The following CAMK1D variants were observed in gnomAD, a reference collection of about 807,000 sequenced individuals.
The protein encoded by CAMK1D is calcium/calmodulin-dependent protein kinase type 1D.
Under a neutral mutation model 47.7 loss-of-function variants are expected in CAMK1D, and 9 were observed. The ratio of observed to expected loss-of-function variants is 0.19; its 90% CI spans 0.11 to 0.33. The LOEUF is 0.33. Ranked by LOEUF, CAMK1D falls within the 10% of genes least tolerant of loss-of-function variation. The pLI is 1.00. For missense variants in CAMK1D, 291 were observed against 488.7 expected (o/e 0.60, Z 3.81); for synonymous variants, 184 against 184.9 (o/e 0.99, Z 0.04).
At chr10:12,507,840 C>T (rs962495803) in intron 1 of CAMK1D, among the ~76,000 whole-genome samples, 1 of 152,076 alleles carries the variant, frequency 6.6e-6, no homozygotes. Context: ...GAATTTTGAT[C>T]CTTGCTTCTT....
At chr10:12,691,078 C>T (rs895076069) in intron 3 of CAMK1D, among the ~76,000 whole-genome samples, 1 of 152,010 alleles carries the variant, frequency 6.6e-6, no homozygotes, top group African/African-American at 2.4e-5. Context: ...ATCACACCTG[C>T]GTGGCTGAAC....
At chr10:12,823,848 T>TG in intron 8 of CAMK1D, among the ~76,000 whole-genome samples, 1 of 150,610 alleles carries the variant, frequency 6.6e-6, no homozygotes, top group Non-Finnish European at 1.5e-5. Context: ...ATAGAGTGGG[T>TG]GGGGGGCATG....
chr10:12,506,783 G>T (rs1475549468), intron 1 of CAMK1D, among the ~76,000 whole-genome samples: 1 of 152,180 alleles, frequency 6.6e-6, no homozygotes, highest in East Asian at 1.9e-4. Context: ...CTCCCAAAGT[G>T]CTGGGATTAC....
At chr10:12,729,941 G>A (rs1051314236) in intron 3 of CAMK1D, among the ~76,000 whole-genome samples, 1 of 147,292 alleles carries the variant, frequency 6.8e-6, no homozygotes, top group African/African-American at 2.5e-5. Context: ...GTCCCATAGA[G>A]CGTTTTAGGC....
At chr10:12,812,496 A>T (rs972029031) in intron 6 of CAMK1D, among the ~76,000 whole-genome samples, 2 of 152,184 alleles carry the variant, frequency 1.3e-5, no homozygotes, top group African/African-American at 4.8e-5. Flanking sequence ...GGCACCTGTA[A>T]TCCCAGCTAC....
At chr10:12,513,096 C>T (rs1835089662) in intron 1 of CAMK1D, among the ~76,000 whole-genome samples, 1 of 152,122 alleles carries the variant, frequency 6.6e-6, no homozygotes, top group African/African-American at 2.4e-5. Flanking sequence ...TGTCATATTC[C>T]CTGAATCAAG....
intron 3 of CAMK1D, among the ~76,000 whole-genome samples, chr10:12,678,287 C>A (rs1396034389): frequency 6.6e-6 from 1 of 152,092 alleles, no homozygotes; most frequent in African/African-American, 2.4e-5. Flanking sequence ...CTGTCTGTCC[C>A]TGAATTGTTT....
intron 1 of CAMK1D, among the ~76,000 whole-genome samples, chr10:12,516,927 C>G (rs138972521): frequency 6.6e-6 from 1 of 152,262 alleles, no homozygotes; most frequent in Non-Finnish European, 1.5e-5. Context: ...AGCAGACTTG[C>G]TGGGATTTGA....
At chr10:12,595,797 G>A (rs921328846) in intron 2 of CAMK1D, among the ~76,000 whole-genome samples, 2 of 152,148 alleles carry the variant, frequency 1.3e-5, no homozygotes, top group East Asian at 3.8e-4. Flanking sequence ...ACAGAAGAAA[G>A]GGGAAAGTAT....
chr10:12,477,887 G>T lies in CAMK1D; in HGVS notation c.93-75338G>T, dbSNP rs148244449. On this transcript the variant is annotated intron_variant, in intron 1 of 10. Transcript: ENST00000619168. ...TGTTGGATCCCATGGAATCCCGTAT[G>T]CTTTATTCCAGTCTTGTAGATGGGA... Among the ~76,000 whole-genome samples, 623 of 152,240 alleles carry T rather than the reference G, an allele frequency of 4.1e-3. 5 individuals are homozygous for T. Among genetic ancestry groups the T allele is most frequent in the African/African-American group, 0.015 (606 of 41,570 alleles).
intron 1 of CAMK1D, among the ~76,000 whole-genome samples, chr10:12,366,551 C>T (rs951237267): frequency 1.5e-4 from 23 of 149,378 alleles, no homozygotes; most frequent in African/African-American, 3.4e-4. Flanking sequence ...CCTGGCTACT[C>T]GGGAGGCTGA....
intron 1 of CAMK1D, among the ~76,000 whole-genome samples, chr10:12,401,947 G>A (rs1043575846): frequency 9.2e-5 from 14 of 151,756 alleles, no homozygotes; most frequent in African/African-American, 3.4e-4. Flanking sequence ...CCAGGCTGGA[G>A]TACAGTGGCG....
At chr10:12,569,831 C>A (rs1328552908) in intron 2 of CAMK1D, among the ~76,000 whole-genome samples, 1 of 151,846 alleles carries the variant, frequency 6.6e-6, no homozygotes, top group Non-Finnish European at 1.5e-5. Flanking sequence ...GCAGTAGTGA[C>A]CTTGTCACTT....
intron 8 of CAMK1D, among the ~76,000 whole-genome samples, chr10:12,817,804 C>T (rs1245576376): frequency 6.6e-6 from 1 of 152,164 alleles, no homozygotes; most frequent in African/African-American, 2.4e-5. Flanking sequence ...GATTCTCCTG[C>T]CTCAGCCCCG....
chr10:12,743,355 A>AAAAAAAAAAAAAAG (rs1461631779), intron 3 of CAMK1D, among the ~76,000 whole-genome samples: 3 of 118,156 alleles, frequency 2.5e-5, no homozygotes, highest in Admixed American at 9.7e-5. Context: ...TCAAAAAAAA[A>AAAAAAAAAAAAAAG]AAAAGAAAAA....
intron 3 of CAMK1D, among the ~76,000 whole-genome samples, chr10:12,693,220 C>A (rs1833002026): frequency 6.6e-6 from 1 of 152,030 alleles, no homozygotes; most frequent in African/African-American, 2.4e-5. Context: ...AAAAGATTAG[C>A]CGGGCATGGT....
intron 2 of CAMK1D, among the ~76,000 whole-genome samples, chr10:12,618,137 C>G (rs1008983605): frequency 6.2e-4 from 95 of 152,292 alleles, no homozygotes; most frequent in African/African-American, 2.2e-3. Flanking sequence ...ATTCAGGGCT[C>G]TGTGTCTCTC....
intron 1 of CAMK1D, among the ~76,000 whole-genome samples, chr10:12,373,225 A>T (rs1230166709): frequency 1.3e-5 from 2 of 151,760 alleles, no homozygotes; most frequent in Non-Finnish European, 2.9e-5. Context: ...AGGTGGGAGG[A>T]TCACCTGAGC....
intron 1 of CAMK1D, among the ~76,000 whole-genome samples, chr10:12,393,501 GTCC>G (rs1564311197): frequency 6.6e-6 from 1 of 152,184 alleles, no homozygotes; most frequent in East Asian, 1.9e-4. Context: ...ACCACCATCT[GTCC>G]TCCTGACCTC....
Sources: gnomAD v4.1 joint callset for allele counts (sites outside exome capture counted in the v4.1 genomes callset) on GRCh38, gnomAD v4.1.1 for gene constraint, MANE v1.5 for transcripts, NCBI Gene and HGNC (gene_info 2026-07-23, HGNC 2026-07-21) for gene names.